The following FSD1L variants were observed in gnomAD, a reference collection of about 807,000 sequenced individuals.
FSD1L encodes the protein FSD1-like protein.
A neutral mutation model predicts 71.6 loss-of-function variants in FSD1L; 45 were observed. The observed-to-expected ratio is 0.63, with a 90% CI of 0.49 to 0.81. The LOEUF is 0.81. Ranked by LOEUF, FSD1L falls within the 30% of genes least tolerant of loss-of-function variation. The pLI is 0.00. For synonymous variants in FSD1L, 197 were observed against 207.2 expected (o/e 0.95, Z 0.42); for missense variants, 561 against 618.1 (o/e 0.91, Z 0.98).
upstream of FSD1L, among the ~76,000 whole-genome samples, chr9:105,444,333 G>A (rs1829596918): frequency 6.6e-6 from 1 of 152,152 alleles, no homozygotes; most frequent in Non-Finnish European, 1.5e-5. Flanking sequence ...TACAGACGAG[G>A]AAATTGAGGT....
At chr9:105,472,419 AG>A (rs1359688516) in intron 5 of FSD1L, 1 of 159,666 alleles carries the variant, frequency 6.3e-6, no homozygotes, top group African/African-American at 2.4e-5. Flanking sequence ...AAGTAGAGCA[AG>A]AAGCCTGCTA....
intron 13 of FSD1L, among the ~76,000 whole-genome samples, chr9:105,544,589 G>A (rs972808870): frequency 6.6e-6 from 1 of 152,000 alleles, no homozygotes; most frequent in East Asian, 1.9e-4. Context: ...AATCCATCTT[G>A]AATTAATTTT....
chr9:105,542,133 T>G (rs1836663288), intron 13 of FSD1L, among the ~76,000 whole-genome samples: 1 of 152,134 alleles, frequency 6.6e-6, no homozygotes, highest in Non-Finnish European at 1.5e-5. Flanking sequence ...AGTAATAGAG[T>G]AGCTGTATCA....
Position 105,468,113 on chromosome 9 carries a change from C to T in FSD1L, c.208-80C>T, listed in dbSNP as rs1831193322. 4.4e-6 allele frequency: 4 copies of T among 908,500 alleles called. No individual in the cohort carries two copies. The East Asian group carries it at 1.4e-4, about 31-fold the overall frequency. 56.3% of individuals were successfully genotyped at this position (908,500 alleles called of 1,614,324 possible). ...ACATAGTTTGTAATATAAATTTATT[C>T]TCTCTTTTGGGCATACCTTTTAGGT... On this transcript the variant is annotated intron_variant, in intron 3 of 13. Transcript: ENST00000481272.
chr9:105,515,104 C>T (rs145502378), intron 10 of FSD1L, among the ~76,000 whole-genome samples: 345 of 152,186 alleles, frequency 2.3e-3, no homozygotes, highest in African/African-American at 7.0e-3. Context: ...AACTCTCTCT[C>T]GAAACTACAG....
chr9:105,459,977 C>T (rs1457446735), intron 1 of FSD1L, among the ~76,000 whole-genome samples: 1 of 152,192 alleles, frequency 6.6e-6, no homozygotes, highest in Non-Finnish European at 1.5e-5. Context: ...ATTACAGACT[C>T]TCATGCTGTA....
At chr9:105,494,321 G>A (rs7865377) in intron 7 of FSD1L, among the ~76,000 whole-genome samples, 35,942 of 151,268 alleles carry the variant, frequency 0.24, 4,672 homozygotes, top group Non-Finnish European at 0.31. Flanking sequence ...CATTCTTCAC[G>A]TAGTTCTCGA....
chr9:105,535,463 A>C (rs1254046041), intron 12 of FSD1L, 145 bp downstream of exon 12: 1 of 835,466 alleles, frequency 1.2e-6, no homozygotes, highest in Non-Finnish European at 1.8e-6. Flanking sequence ...TCATAATCTC[A>C]ATTCTAGAAT....
chr9:105,511,341 T>C (rs1834385533), intron 9 of FSD1L, among the ~76,000 whole-genome samples: 1 of 152,052 alleles, frequency 6.6e-6, no homozygotes, highest in African/African-American at 2.4e-5. Flanking sequence ...GGTGGCACCT[T>C]AGAGTTAAAT....
chr9:105,460,756 C>T (rs1031209410), intron 1 of FSD1L, among the ~76,000 whole-genome samples: 2 of 152,060 alleles, frequency 1.3e-5, no homozygotes, highest in African/African-American at 4.8e-5. Context: ...TGTTAGCTGC[C>T]AACTTTGACG....
rs534864623 is a variant in FSD1L, at chr9:105,498,494, GATA to G, written c.587-7899_587-7897del. On this transcript the variant is annotated intron_variant, in intron 7 of 13. Transcript: ENST00000481272. The stretch of plus-strand genomic sequence containing the variant: ...ATACTGTAAGCAGTTGTAACACAAT[GATA>G]ATAATTTGTGTATCTAAACATATCT... Among the ~76,000 whole-genome samples, 393 of 152,060 alleles carry G rather than the reference GATA, an allele frequency of 2.6e-3. 3 individuals carry two copies. The highest frequency in any genetic ancestry group is 6.8e-3 in the Middle Eastern group (2 of 294).
chr9:105,501,987 T>A (rs1221407696), intron 7 of FSD1L, among the ~76,000 whole-genome samples: 1 of 152,162 alleles, frequency 6.6e-6, no homozygotes, highest in African/African-American at 2.4e-5. Context: ...TCATGTATAT[T>A]TTTTTCTTTT....
intron 10 of FSD1L, among the ~76,000 whole-genome samples, chr9:105,517,847 T>C (rs1205578205): frequency 1.3e-5 from 2 of 152,144 alleles, no homozygotes; most frequent in Non-Finnish European, 2.9e-5. Flanking sequence ...AGTGCCCCAA[T>C]TAAAAGACAC....
chr9:105,508,259 G>C (rs1023422857), intron 8 of FSD1L, among the ~76,000 whole-genome samples: 9 of 145,746 alleles, frequency 6.2e-5, no homozygotes, highest in African/African-American at 2.3e-4. Context: ...CTAACTGCAA[G>C]CTCCGCCTCC....
chr9:105,485,848 T>C (rs1832514398), intron 7 of FSD1L, among the ~76,000 whole-genome samples: 1 of 152,036 alleles, frequency 6.6e-6, no homozygotes, highest in African/African-American at 2.4e-5. Flanking sequence ...TTTCACCATG[T>C]TAGCCTGGAT....
At chr9:105,502,409 A>G (rs1589029164) in intron 7 of FSD1L, among the ~76,000 whole-genome samples, 1 of 152,018 alleles carries the variant, frequency 6.6e-6, no homozygotes, top group Non-Finnish European at 1.5e-5. Context: ...TCACTTTTTT[A>G]CTCATACTTG....
intron 7 of FSD1L, among the ~76,000 whole-genome samples, chr9:105,489,207 A>G (rs559162285): frequency 4.5e-4 from 68 of 152,214 alleles, no homozygotes; most frequent in Non-Finnish European, 4.7e-4. Context: ...CAATCCTCCC[A>G]CCTATTAGGT....
chr9:105,494,118 C>T (rs1477554577), intron 7 of FSD1L, among the ~76,000 whole-genome samples: 1 of 151,830 alleles, frequency 6.6e-6, no homozygotes, highest in Admixed American at 6.6e-5. Flanking sequence ...TTCCATTCTC[C>T]CCGTCACTTT....
At chr9:105,514,867 G>T (rs993938601) in intron 10 of FSD1L, among the ~76,000 whole-genome samples, 1 of 152,112 alleles carries the variant, frequency 6.6e-6, no homozygotes, top group African/African-American at 2.4e-5. Context: ...CAAGAAGGTG[G>T]GGAGTGAGGG....
Sources: gnomAD v4.1 joint callset for allele counts (sites outside exome capture counted in the v4.1 genomes callset) on GRCh38, gnomAD v4.1.1 for gene constraint, MANE v1.5 for transcripts, NCBI Gene and HGNC (gene_info 2026-07-23, HGNC 2026-07-21) for gene names.